The following CALN1 variants were observed in gnomAD, a reference collection of about 807,000 sequenced individuals.
CALN1 encodes the protein calneuron 1.
CALN1 carries 17 observed loss-of-function variants against 30.6 expected under a neutral mutation model. The ratio of observed to expected loss-of-function variants is 0.56; its 90% CI spans 0.38 to 0.83. The LOEUF (loss-of-function observed/expected upper bound fraction) is 0.83, where lower values mean the gene tolerates loss of function less well. Among genes scored for constraint, CALN1 ranks in the 40% least tolerant of loss-of-function variants. CALN1 has a pLI of 0.00. For synonymous variants in CALN1, 156 were observed against 131.4 expected (o/e 1.19, Z -1.28); for missense variants, 291 against 354.9 (o/e 0.82, Z 1.45).
intron 5 of CALN1, among the ~76,000 whole-genome samples, chr7:71,858,217 C>T (rs933674482): frequency 6.6e-6 from 1 of 152,198 alleles, no homozygotes; most frequent in East Asian, 1.9e-4. Flanking sequence ...CCTGACTTCA[C>T]TCATTCTTCT....
intron 3 of CALN1, among the ~76,000 whole-genome samples, chr7:72,241,862 C>T (rs4717636): frequency 0.34 from 51,645 of 152,110 alleles, 10,077 homozygotes; most frequent in Middle Eastern, 0.53. Context: ...AAAGTTTACG[C>T]ATTTAAAATC....
At chr7:72,319,079 A>G (rs1800693935) in intron 2 of CALN1, among the ~76,000 whole-genome samples, 1 of 152,196 alleles carries the variant, frequency 6.6e-6, no homozygotes, top group African/African-American at 2.4e-5. Context: ...AGAGATCTGC[A>G]CCCATATGTT....
rs1317518082 is a variant in CALN1 at position 71,780,905 on chromosome 7, G to A, written c.*6870C>T. ...TCACACTTGCCAAGACAGACAGAAA[G>A]CTCATCTTTGATGCTCCCTCGAGTC... is the stretch of plus-strand genomic sequence containing the variant. On this transcript the variant is annotated 3_prime_UTR_variant, in exon 7 of 7. Coordinates refer to ENST00000395275, the MANE Select transcript of CALN1 (RefSeq NM_031468.4). 1 of 152,180 alleles carries A rather than the reference G, an allele frequency of 6.6e-6. No homozygotes were observed. Among genetic ancestry groups the A allele is most frequent in the Non-Finnish European group, 1.5e-5 (1 of 68,038 alleles). The allele number at this position is 152,180 out of a possible 1,614,324, so 9.4% of individuals were successfully genotyped here.
chr7:72,351,551 A>G (rs542014736), intron 2 of CALN1, among the ~76,000 whole-genome samples: 49 of 152,338 alleles, frequency 3.2e-4, no homozygotes, highest in African/African-American at 1.1e-3. Context: ...TACGACAGCT[A>G]CAGCACAAAG....
At chr7:72,111,822 C>T (rs1807596754) in intron 3 of CALN1, among the ~76,000 whole-genome samples, 1 of 151,946 alleles carries the variant, frequency 6.6e-6, no homozygotes, top group South Asian at 2.1e-4. Context: ...ATGAGCTCAG[C>T]TCACTGCAAC....
rs183148181 is a variant in CALN1, at chr7:72,404,621, C to G, written c.-73-1179G>C. Among the ~76,000 whole-genome samples the G allele has an allele frequency of 3.3e-5, 5 of 152,306 alleles. No homozygotes were observed. In the East Asian group the frequency reaches 7.7e-4, roughly 24 times the overall value. On this transcript the variant is annotated intron_variant, in intron 1 of 6. Transcript: ENST00000395275. ...ACAGATGAGTCTCCATTTCTCACTA[C>G]TTGGCCCCTGAACATTGTATCCTGG...
intron 2 of CALN1, among the ~76,000 whole-genome samples, chr7:72,382,729 T>C (rs1287546696): frequency 1.3e-5 from 2 of 152,172 alleles, no homozygotes; most frequent in African/African-American, 4.8e-5. Context: ...GATTTCTCCT[T>C]CTGCATTAGT....
chr7:72,444,915 A>AAGAGC (rs1328144474), intron 1 of CALN1, among the ~76,000 whole-genome samples: 2 of 152,114 alleles, frequency 1.3e-5, no homozygotes, highest in Non-Finnish European at 2.9e-5. Flanking sequence ...TGCCTTTCCC[A>AAGAGC]CCACCTTGTA....
intron 1 of CALN1, among the ~76,000 whole-genome samples, chr7:72,439,418 A>G (rs925699648): frequency 6.6e-6 from 1 of 152,192 alleles, no homozygotes; most frequent in Non-Finnish European, 1.5e-5. Flanking sequence ...ACAGTTGATT[A>G]ACACATATGT....
chr7:72,464,392 A>C, the CALN1 span, among the ~76,000 whole-genome samples: 1 of 152,192 alleles, frequency 6.6e-6, no homozygotes, highest in African/African-American at 2.4e-5. Context: ...CTGACTTCAA[A>C]ACCTGTGTTA....
chr7:72,057,383 C>CTTTTTTTTTTTTTTTTTTTTTTTT (rs60838093), intron 4 of CALN1, among the ~76,000 whole-genome samples: 2 of 101,886 alleles, frequency 2.0e-5, no homozygotes, highest in Non-Finnish European at 3.9e-5. Context: ...TTTAAATGTT[C>CTTTTTTTTTTTTTTTTTTTTTTTT]TTTTTTTTTT....
intron 2 of CALN1, among the ~76,000 whole-genome samples, chr7:72,310,305 G>A (rs1799953241): frequency 1.3e-5 from 2 of 150,678 alleles, no homozygotes; most frequent in African/African-American, 2.4e-5. Context: ...CCATTGTGAG[G>A]GTTAATTGAT....
intron 5 of CALN1, among the ~76,000 whole-genome samples, chr7:71,939,982 G>A (rs773275843): frequency 6.6e-6 from 1 of 152,186 alleles, no homozygotes; most frequent in Non-Finnish European, 1.5e-5. Flanking sequence ...CGGACCTTAA[G>A]CCAGTTTCAG....
chr7:71,884,612 C>T (rs1792788725), intron 5 of CALN1, among the ~76,000 whole-genome samples: 1 of 152,008 alleles, frequency 6.6e-6, no homozygotes, highest in South Asian at 2.1e-4. Flanking sequence ...TCTTTTAAAT[C>T]TTGCGCAAAT....
intron 5 of CALN1, among the ~76,000 whole-genome samples, chr7:71,984,177 C>T (rs1478525488): frequency 6.6e-6 from 1 of 152,112 alleles, no homozygotes; most frequent in Non-Finnish European, 1.5e-5. Context: ...AAAAAACACT[C>T]TTTCTCTTTG....
At chr7:72,293,243 C>T (rs1452685147) in intron 2 of CALN1, among the ~76,000 whole-genome samples, 1 of 152,118 alleles carries the variant, frequency 6.6e-6, no homozygotes, top group African/African-American at 2.4e-5. Flanking sequence ...TATTCCCACC[C>T]CTAGTCTGGA....
At chr7:72,151,342 C>T (rs1787229940) in intron 3 of CALN1, among the ~76,000 whole-genome samples, 1 of 152,054 alleles carries the variant, frequency 6.6e-6, no homozygotes, top group Admixed American at 6.6e-5. Context: ...AATGTTCTTC[C>T]TGTGTGTGTC....
rs934032546 is a variant in CALN1, at chr7:72,023,642, A to T, written c.501+15T>A. The T allele has an allele frequency of 2.1e-5, 34 of 1,602,720 alleles. No individual in the cohort carries two copies. The highest frequency in any genetic ancestry group is 2.9e-5 in the Non-Finnish European group (34 of 1,170,874). ...TACTGTCAAACTTAGTCTGAAAAAA[A>T]ATATTCTTACTCACCTGCCAGAATA... On this transcript the variant is annotated intron_variant, in intron 5 of 6. Coordinates refer to ENST00000395275, the MANE Select transcript of CALN1 (RefSeq NM_031468.4).
intron 5 of CALN1, among the ~76,000 whole-genome samples, chr7:71,904,105 T>G (rs536651683): frequency 6.6e-5 from 10 of 152,192 alleles, no homozygotes; most frequent in Non-Finnish European, 1.3e-4. Flanking sequence ...TTTGTGGGAA[T>G]GTACATTAGT....
Sources: allele counts gnomAD v4.1 joint callset (sites outside exome capture counted in the v4.1 genomes callset), GRCh38; gene constraint gnomAD v4.1.1; transcripts MANE v1.5; gene names NCBI Gene and HGNC (gene_info 2026-07-23, HGNC 2026-07-21).